SIN3B: variants seen among roughly 807,000 people sequenced by gnomAD.
The protein encoded by SIN3B is SIN3 transcription regulator family member B.
A neutral mutation model predicts 120.2 loss-of-function variants in SIN3B; 19 were observed. The ratio of observed to expected loss-of-function variants is 0.16; its 90% CI spans 0.11 to 0.23. The LOEUF is 0.23. SIN3B is among the 10% of genes least tolerant of loss of function. The probability of loss-of-function intolerance (pLI) is 1.00; values close to 1 mark genes in which losing one functional copy is unlikely to be tolerated. For synonymous variants in SIN3B, 654 were observed against 653.2 expected, an observed-to-expected ratio of 1.00 and a Z score of -0.02; for missense variants, 1,073 against 1,573.0, an observed-to-expected ratio of 0.68 and a Z score of 5.38.
Position 16,876,657 on chromosome 19 carries a change from G to C in SIN3B, c.2859+79G>C. 1 of 1,066,954 alleles carries C rather than the reference G, an allele frequency of 9.4e-7. No homozygotes were observed. The highest frequency in any genetic ancestry group is 1.4e-6 in the Non-Finnish European group (1 of 713,506). The allele number at this position is 1,066,954 out of a possible 1,614,324, so 66.1% of individuals were successfully genotyped here. On this transcript the variant is annotated intron_variant, in intron 16 of 18. Coordinates refer to ENST00000248054, the MANE Select transcript of SIN3B (RefSeq NM_001297595.2). This position sits in a 1 kb window ranked among gnomAD's most constrained non-coding sequence, Gnocchi z 7.1. The stretch of plus-strand genomic sequence containing the variant: ...GCAGCATGGGGCTCCCACCAGCCAA[G>C]CGCAGGCCGCGCAGCATCCAGAGAC...
chr19:16,873,664 A>C (rs2051543012), intron 14 of SIN3B, among the ~76,000 whole-genome samples: 1 of 152,208 alleles, frequency 6.6e-6, no homozygotes, highest in Non-Finnish European at 1.5e-5. Flanking sequence ...TTCCATAAAC[A>C]ACTCCTCTAG....
At chr19:16,873,042 T>A (rs1042952737) in intron 14 of SIN3B, among the ~76,000 whole-genome samples, 2 of 151,910 alleles carry the variant, frequency 1.3e-5, no homozygotes, top group Admixed American at 1.3e-4. Context: ...GTTTCCTGGG[T>A]CACTCGTACC....
At chr19:16,852,493 C>T (rs1364913195) in intron 6 of SIN3B, among the ~76,000 whole-genome samples, 3 of 152,206 alleles carry the variant, frequency 2.0e-5, no homozygotes, top group Non-Finnish European at 2.9e-5. Flanking sequence ...ACAATCCTCC[C>T]GCCTCAGCCT....
At chr19:16,837,053 G>A (rs150435001) in intron 3 of SIN3B, among the ~76,000 whole-genome samples, 1 of 152,274 alleles carries the variant, frequency 6.6e-6, no homozygotes, top group Non-Finnish European at 1.5e-5. Context: ...AGGGCAGAGA[G>A]AGGATGGAGC....
rs879914502 is a variant in SIN3B, at chr19:16,859,326, A to AT, written c.1059-3015dup. On this transcript the variant is annotated intron_variant, in intron 8 of 18. Coordinates refer to ENST00000248054, the MANE Select transcript of SIN3B (RefSeq NM_001297595.2). ...CAGTGGCTGCTGGGCTTCGGTGTGT[A>AT]TTTTTTTTTTTAACTCAGCATTTCT... 6.3e-3 allele frequency among the ~76,000 whole-genome samples: 929 copies of AT among 147,814 alleles called. 8 individuals carry two copies. Among genetic ancestry groups the AT allele is most frequent in the African/African-American group, 0.019 (763 of 40,584 alleles).
intron 6 of SIN3B, among the ~76,000 whole-genome samples, chr19:16,852,162 T>C (rs1436136780): frequency 6.6e-6 from 1 of 152,232 alleles, no homozygotes; most frequent in Non-Finnish European, 1.5e-5. Context: ...AGTCTCGCTC[T>C]GTCACCCAGG....
At chr19:16,871,200 C>T in intron 13 of SIN3B, 29 bp from the exon 14 acceptor site, 2 of 1,613,816 alleles carry the variant, frequency 1.2e-6, no homozygotes, top group Non-Finnish European at 1.7e-6. Context: ...CTCCAGGAGG[C>T]ATATGGATGA....
intron 5 of SIN3B, among the ~76,000 whole-genome samples, chr19:16,848,766 G>T (rs907471542): frequency 4.6e-5 from 7 of 152,198 alleles, no homozygotes; most frequent in African/African-American, 1.7e-4. Flanking sequence ...CTCCCAAAGT[G>T]CTGGGATTAC....
At chr19:16,866,028 G>A (rs914177871) in intron 11 of SIN3B, among the ~76,000 whole-genome samples, 1 of 152,242 alleles carries the variant, frequency 6.6e-6, no homozygotes, top group Non-Finnish European at 1.5e-5. Flanking sequence ...GGCAGGTGCA[G>A]TGCTTGGCCC....
At chr19:16,847,896 G>T (rs1321121671) in intron 5 of SIN3B, among the ~76,000 whole-genome samples, 1 of 152,128 alleles carries the variant, frequency 6.6e-6, no homozygotes, top group Non-Finnish European at 1.5e-5. Context: ...GTCCCCATCA[G>T]CAGCCACCCC....
Position 16,829,780 on chromosome 19 carries a change from C to T in SIN3B, c.121-11C>T, listed in dbSNP as rs377281361. The T allele has an allele frequency of 2.2e-5, 35 of 1,606,464 alleles. No homozygotes were observed. The highest frequency in any genetic ancestry group is 2.6e-5 in the Non-Finnish European group (31 of 1,173,514). ...GGCCAGGGCCCACCGGGACCCTCCC[C>T]CTCTCTGCAGGTAGAAGACGCCCTC... On this transcript the variant is annotated splice_polypyrimidine_tract_variant and intron_variant, in intron 1 of 18. Coordinates refer to ENST00000248054, the MANE Select transcript of SIN3B (RefSeq NM_001297595.2).
chr19:16,878,724 C>T lies in SIN3B; in HGVS notation c.3390C>T (p.Pro1130=), dbSNP rs1445699995. 1.5e-5 allele frequency: 24 copies of T among 1,595,360 alleles called. No homozygotes were observed. Among genetic ancestry groups the T allele is most frequent in the Non-Finnish European group, 2.0e-5 (23 of 1,174,048 alleles). ...RVQYSRRPAS[P] The stretch of plus-strand genomic sequence containing the variant: ...AGTACAGCCGCCGCCCGGCCTCGCC[C>T]TGACCCGCCCTCATGGGCACCGGGC... The change falls in exon 19 of 19, where the codon CCC becomes CCT. Residue 1130 remains proline, a synonymous_variant. Coordinates refer to ENST00000248054, the MANE Select transcript of SIN3B (RefSeq NM_001297595.2).
intron 8 of SIN3B, among the ~76,000 whole-genome samples, chr19:16,858,166 G>A (rs908230387): frequency 3.3e-5 from 5 of 152,034 alleles, no homozygotes; most frequent in South Asian, 4.1e-4. Flanking sequence ...TGTGAGCCAC[G>A]GCGCCCAGGC....
intron 6 of SIN3B, among the ~76,000 whole-genome samples, chr19:16,851,970 A>G (rs549772702): frequency 5.3e-5 from 8 of 152,280 alleles, no homozygotes; most frequent in African/African-American, 1.9e-4. Context: ...TTCCTTGTGC[A>G]GTTACTACTT....
chr19:16,846,802 G>A (rs918064641), intron 4 of SIN3B, among the ~76,000 whole-genome samples, 168 bp from the exon 5 acceptor site: 1 of 152,164 alleles, frequency 6.6e-6, no homozygotes, highest in Non-Finnish European at 1.5e-5. Context: ...CGGGGCTCAG[G>A]CCATGCTGGG....
At chr19:16,857,515 A>ATG (rs1555742137) in intron 8 of SIN3B, among the ~76,000 whole-genome samples, 8 of 62,162 alleles carry the variant, frequency 1.3e-4, no homozygotes, top group African/African-American at 3.2e-4. Context: ...CTTAAAAAAA[A>ATG]TATGTGTGTG....
At chr19:16,845,636 TCTGTGTAGTCAGATGAG>T (rs1478957778) in intron 4 of SIN3B, among the ~76,000 whole-genome samples, 3 of 152,252 alleles carry the variant, frequency 2.0e-5, no homozygotes, top group Non-Finnish European at 4.4e-5. Context: ...GCCTCTTCTG[TCTGTGTAGTCAGATGAG>T]CAGAGATGGC....
At position 16,839,733 on chromosome 19, in the gene SIN3B, G is replaced by A. The variant is rs369523913; in HGVS notation, c.382-2035G>A. Among the ~76,000 whole-genome samples, 9 of 152,212 alleles carry A rather than the reference G, an allele frequency of 5.9e-5. No homozygotes were observed. The South Asian group carries it at 6.2e-4, about 11-fold the overall frequency. On this transcript the variant is annotated intron_variant, in intron 3 of 18. Coordinates refer to ENST00000248054, the MANE Select transcript of SIN3B (RefSeq NM_001297595.2). ...CCCAGAGAATCTTACAACAAACCCC[G>A]CCACTGACTGGGCGCAGTGGTTTAC...
Position 16,862,291 on chromosome 19 carries a change from T to C in SIN3B, c.1059-61T>C. On this transcript the variant is annotated intron_variant, in intron 8 of 18. Transcript: ENST00000248054. The surrounding 1 kb of genome is among the most constrained non-coding windows in gnomAD (Gnocchi z 4.7). The stretch of plus-strand genomic sequence containing the variant: ...GTCCACATGAAGCCATTCTAAAATC[T>C]CCAGATCCCTCTCAGAAGGCCCTGG... 7.4e-7 allele frequency: 1 copy of C among 1,345,148 alleles called. No homozygotes were observed. The highest frequency in any genetic ancestry group is 1.1e-6 in the Non-Finnish European group (1 of 948,924). The allele number at this position is 1,345,148 out of a possible 1,614,324, so 83.3% of individuals were successfully genotyped here.
Sources: gnomAD v4.1 joint callset for allele counts (sites outside exome capture counted in the v4.1 genomes callset) on GRCh38, gnomAD v4.1.1 for gene constraint, Gnocchi (gnomAD v3.1) non-coding constraint, MANE v1.5 for transcripts, NCBI Gene and HGNC (gene_info 2026-07-23, HGNC 2026-07-21) for gene names.